KIAA0825: variants seen among roughly 807,000 people sequenced by gnomAD.
KIAA0825 encodes KIAA0825.
A neutral mutation model predicts 147.6 loss-of-function variants in KIAA0825; 119 were observed. The observed-to-expected ratio is 0.81, with a 90% CI of 0.69 to 0.94. The LOEUF (loss-of-function observed/expected upper bound fraction) is 0.94, where lower values mean the gene tolerates loss of function less well. KIAA0825 is among the 40% of genes least tolerant of loss of function. KIAA0825 has a pLI of 0.00. For missense variants in KIAA0825, 1,381 were observed against 1,472.7 expected, an observed-to-expected ratio of 0.94 and a Z score of 1.02; for synonymous variants, 470 against 518.1, an observed-to-expected ratio of 0.91 and a Z score of 1.26.
In KIAA0825 at chr5:94,275,369, C is replaced by A. The variant is rs149133732; in HGVS notation, c.3710+108999G>T. Among the ~76,000 whole-genome samples the A allele has an allele frequency of 2.2e-3, 341 of 152,224 alleles. 1 individual carries two copies. The highest frequency in any genetic ancestry group is 7.8e-3 in the African/African-American group (324 of 41,548). ...AGGATCTATGCAACTTGCCCTGATA[C>A]AATCTCATTAAAACATAAAGTAATA... On this transcript the variant is annotated intron_variant, in intron 20 of 20. Transcript: ENST00000682413.
chr5:94,350,722 CCAGCATCTTTTACGATTAAAACTCT>C (rs976527837), intron 20 of KIAA0825, among the ~76,000 whole-genome samples: 3 of 152,078 alleles, frequency 2.0e-5, no homozygotes, highest in Non-Finnish European at 4.4e-5. Flanking sequence ...TTGACAAAAT[CCAGCATCTTTTACGATTAAAACTCT>C]CAGCAAAATC....
At chr5:94,303,739 G>T (rs1778547089) in intron 20 of KIAA0825, among the ~76,000 whole-genome samples, 1 of 151,922 alleles carries the variant, frequency 6.6e-6, no homozygotes. Context: ...GCATTAAGTG[G>T]ATCCTAGGAG....
chr5:94,284,455 G>A (rs959146622), intron 20 of KIAA0825, among the ~76,000 whole-genome samples: 20 of 152,190 alleles, frequency 1.3e-4, no homozygotes, highest in Admixed American at 1.0e-3. Context: ...ACCACAGCAC[G>A]CTGGCTCAGC....
At chr5:94,556,056 C>CTT (rs35657531) in intron 2 of KIAA0825, among the ~76,000 whole-genome samples, 2 of 144,492 alleles carry the variant, frequency 1.4e-5, no homozygotes, top group African/African-American at 2.5e-5. Context: ...ACATCAATTA[C>CTT]TTTTTTTTTT....
Position 94,462,582 on chromosome 5 carries a change from A to T in KIAA0825, c.2064-13T>A. 1 of 1,453,708 alleles carries T rather than the reference A, an allele frequency of 6.9e-7. No homozygotes were observed. The highest frequency in any genetic ancestry group is 9.1e-7 in the Non-Finnish European group (1 of 1,096,268). The allele number at this position is 1,453,708 out of a possible 1,614,324, so 90.1% of individuals were successfully genotyped here. A position where few individuals can be genotyped will look rare whatever the true frequency, so the allele number is the denominator to read the frequency against. ...TGTGACATCAAGTCTGTTGGAAAGAAAGAAAAGAAAATCATGTTAAACAAA... is the reference window on the plus strand; with the variant it reads ...TGTGACATCAAGTCTGTTGGAAAGATAGAAAAGAAAATCATGTTAAACAAA... On this transcript the variant is annotated splice_polypyrimidine_tract_variant and intron_variant, in intron 11 of 20. Coordinates refer to ENST00000682413, the MANE Select transcript of KIAA0825 (RefSeq NM_001145678.3).
At chr5:94,313,771 T>G (rs757489272) in intron 20 of KIAA0825, among the ~76,000 whole-genome samples, 19 of 151,574 alleles carry the variant, frequency 1.3e-4, no homozygotes, top group Admixed American at 2.6e-4. Context: ...TACTGGTGTA[T>G]ATGGTAACAT....
At chr5:94,422,957 AGAG>A (rs1475840298) in intron 14 of KIAA0825, among the ~76,000 whole-genome samples, 1 of 152,174 alleles carries the variant, frequency 6.6e-6, no homozygotes, top group African/African-American at 2.4e-5. Flanking sequence ...CACTAACAAA[AGAG>A]GAGTGACTCA....
intron 20 of KIAA0825, among the ~76,000 whole-genome samples, chr5:94,337,577 G>A (rs1781946501): frequency 6.6e-6 from 1 of 152,054 alleles, no homozygotes; most frequent in Non-Finnish European, 1.5e-5. Flanking sequence ...TTTACTATAT[G>A]GATTATAATT....
intron 20 of KIAA0825, among the ~76,000 whole-genome samples, chr5:94,167,809 C>G (rs1768193959): frequency 6.6e-6 from 1 of 151,740 alleles, no homozygotes; most frequent in African/African-American, 2.4e-5. Flanking sequence ...TTATAGAATA[C>G]TATAAATGGT....
chr5:94,354,778 G>A (rs945876370), intron 20 of KIAA0825, among the ~76,000 whole-genome samples: 2 of 152,178 alleles, frequency 1.3e-5, no homozygotes, highest in African/African-American at 2.4e-5. Context: ...TAATCAAACT[G>A]TCTTACAGTG....
At chr5:94,428,118 G>A (rs1403425116) in intron 14 of KIAA0825, among the ~76,000 whole-genome samples, 3 of 148,814 alleles carry the variant, frequency 2.0e-5, no homozygotes, top group Non-Finnish European at 3.0e-5. Flanking sequence ...TGGGTCTCTT[G>A]GAGACAGCAG....
intron 20 of KIAA0825, among the ~76,000 whole-genome samples, chr5:94,262,689 C>T (rs1345466049): frequency 6.6e-6 from 1 of 152,140 alleles, no homozygotes; most frequent in Non-Finnish European, 1.5e-5. Flanking sequence ...ACAGTTCGTT[C>T]GATATGCCTT....
At chr5:94,500,403 A>T (rs1764925429) in intron 5 of KIAA0825, among the ~76,000 whole-genome samples, 1 of 152,156 alleles carries the variant, frequency 6.6e-6, no homozygotes, top group Non-Finnish European at 1.5e-5. Context: ...ATAGACTTGG[A>T]AATATTTAGG....
chr5:94,508,399 C>T (rs1318733454), intron 5 of KIAA0825, among the ~76,000 whole-genome samples: 1 of 152,102 alleles, frequency 6.6e-6, no homozygotes, highest in African/African-American at 2.4e-5. Flanking sequence ...ATTCAAATCA[C>T]ACAGATATAA....
At chr5:94,525,390 C>CA (rs1401895943) in intron 3 of KIAA0825, among the ~76,000 whole-genome samples, 1 of 151,800 alleles carries the variant, frequency 6.6e-6, no homozygotes, top group East Asian at 1.9e-4. Context: ...TGAGTGAATT[C>CA]AAAGTAAATT....
Position 94,536,983 on chromosome 5 carries a change from T to G in KIAA0825, c.131+13A>C. On this transcript the variant is annotated intron_variant, in intron 3 of 20. Transcript: ENST00000682413. Reference sequence around the variant, plus strand: ...GTGAAAACAACTTGTTTTAAATAATTAACAATATTTACCTTGCAGCATTTT... The same window carrying G: ...GTGAAAACAACTTGTTTTAAATAATGAACAATATTTACCTTGCAGCATTTT... 6.4e-7 allele frequency: 1 copy of G among 1,568,734 alleles called. No homozygotes were observed. Among genetic ancestry groups the G allele is most frequent in the Non-Finnish European group, 8.7e-7 (1 of 1,148,214 alleles).
At chr5:94,227,322 T>C (rs1222921823) in intron 20 of KIAA0825, among the ~76,000 whole-genome samples, 22 of 151,692 alleles carry the variant, frequency 1.5e-4, no homozygotes, top group East Asian at 3.9e-4. Flanking sequence ...CCGCATATTC[T>C]CACTCATAGG....
chr5:94,580,832 C>T (rs1318909764), intron 2 of KIAA0825, among the ~76,000 whole-genome samples: 1 of 30,954 alleles, frequency 3.2e-5, no homozygotes, highest in African/African-American at 2.7e-4. Context: ...GCCGAGATCC[C>T]GCCACTGCAC....
intron 20 of KIAA0825, among the ~76,000 whole-genome samples, chr5:94,373,985 G>T (rs1027428243): frequency 1.2e-4 from 18 of 151,990 alleles, no homozygotes; most frequent in Non-Finnish European, 2.5e-4. Context: ...GAATCAATGG[G>T]CCTATGACAG....
Sources: gnomAD v4.1 joint callset for allele counts (sites outside exome capture counted in the v4.1 genomes callset) on GRCh38, gnomAD v4.1.1 for gene constraint, MANE v1.5 for transcripts, NCBI Gene and HGNC (gene_info 2026-07-23, HGNC 2026-07-21) for gene names.